Variants in ABCB4 observed in about 807,000 individuals in gnomAD.
ABCB4 encodes the protein ATP binding cassette subfamily B member 4.
Under a neutral mutation model 145.7 loss-of-function variants are expected in ABCB4, and 76 were observed. That is an observed-to-expected ratio of 0.52 (90% confidence interval 0.43 to 0.63). The LOEUF (loss-of-function observed/expected upper bound fraction) is 0.63, where lower values mean the gene tolerates loss of function less well. Among genes scored for constraint, ABCB4 ranks in the 30% least tolerant of loss-of-function variants. The pLI is 0.00. For missense variants in ABCB4, 1,234 were observed against 1,553.1 expected, an observed-to-expected ratio of 0.79 and a Z score of 3.45; for synonymous variants, 517 against 566.8, an observed-to-expected ratio of 0.91 and a Z score of 1.25.
At chr7:87,445,865 T>G (rs1811311040) in intron 9 of ABCB4, among the ~76,000 whole-genome samples, 1 of 152,208 alleles carries the variant, frequency 6.6e-6, no homozygotes, top group Non-Finnish European at 1.5e-5. Context: ...AGGGCTTTGC[T>G]TGGGCTCCCT....
At chr7:87,472,848 C>T (rs1409966681) in intron 2 of ABCB4, among the ~76,000 whole-genome samples, 173 bp from the exon 3 acceptor site, 1 of 152,174 alleles carries the variant, frequency 6.6e-6, no homozygotes, top group Non-Finnish European at 1.5e-5. Context: ...ACAAAAGTAA[C>T]TGTCGAAGGT....
At chr7:87,403,084 C>T (rs746925163) in intron 27 of ABCB4, 51 bp downstream of exon 27, 3 of 1,597,638 alleles carry the variant, frequency 1.9e-6, no homozygotes, top group Non-Finnish European at 2.6e-6. Context: ...ACAGCAAAAT[C>T]CCTTCTATTT....
intron 15 of ABCB4, 72 bp downstream of exon 15, chr7:87,431,332 A>G: frequency 6.3e-7 from 1 of 1,590,492 alleles, no homozygotes; most frequent in Non-Finnish European, 8.6e-7. Flanking sequence ...CATTCACTGG[A>G]TCATATTTTA....
In ABCB4 at chr7:87,467,193, G is replaced by T. The variant is rs377570835; in HGVS notation, c.136-4285C>A. On this transcript the variant is annotated intron_variant, in intron 3 of 27. Transcript: ENST00000649586. Reference sequence around the variant, plus strand: ...AGACACACATAGGCTCAAAAGAAAGGGATGGAGGAAGATCTACCAAGCAAA... The same window carrying T: ...AGACACACATAGGCTCAAAAGAAAGTGATGGAGGAAGATCTACCAAGCAAA... 8.5e-5 allele frequency among the ~76,000 whole-genome samples: 13 copies of T among 152,246 alleles called. No individual in the cohort carries two copies. The East Asian group carries it at 2.5e-3, about 29-fold the overall frequency.
At chr7:87,379,417 T>C in the ABCB4 span, among the ~76,000 whole-genome samples, 2 of 152,234 alleles carry the variant, frequency 1.3e-5, no homozygotes, top group Non-Finnish European at 2.9e-5. Context: ...TGTTATATTG[T>C]TATATAAGAG....
intron 3 of ABCB4, among the ~76,000 whole-genome samples, chr7:87,468,513 A>C (rs1813094732): frequency 6.6e-6 from 1 of 152,210 alleles, no homozygotes; most frequent in Non-Finnish European, 1.5e-5. Context: ...AAAAAGAGGG[A>C]ATCCTCCCTA....
the ABCB4 span, among the ~76,000 whole-genome samples, chr7:87,376,195 C>A: frequency 6.6e-6 from 1 of 152,066 alleles, no homozygotes. Context: ...TATGACTTTG[C>A]ATATCACATA....
intron 15 of ABCB4, among the ~76,000 whole-genome samples, chr7:87,427,350 G>A (rs1032136941): frequency 6.6e-6 from 1 of 152,182 alleles, no homozygotes; most frequent in Non-Finnish European, 1.5e-5. Flanking sequence ...CCCACGGGAG[G>A]TAAAACTGTC....
chr7:87,421,130 A>C (rs1383400726), intron 18 of ABCB4, among the ~76,000 whole-genome samples: 1 of 152,174 alleles, frequency 6.6e-6, no homozygotes, highest in Non-Finnish European at 1.5e-5. Flanking sequence ...ACTGGAGAGG[A>C]GTCCAGATAT....
chr7:87,457,567 AAG>A (rs1812179291), intron 4 of ABCB4, among the ~76,000 whole-genome samples: 2 of 152,238 alleles, frequency 1.3e-5, no homozygotes, highest in Admixed American at 1.3e-4. Flanking sequence ...TTTACAGATG[AAG>A]AGACAGAGTG....
intron 17 of ABCB4, among the ~76,000 whole-genome samples, chr7:87,423,291 T>C (rs1444808872): frequency 6.6e-6 from 1 of 152,200 alleles, no homozygotes; most frequent in Non-Finnish European, 1.5e-5. Context: ...GATTGGCTAG[T>C]ATGTTTTCTT....
At chr7:87,449,604 A>C (rs924836154) in intron 8 of ABCB4, among the ~76,000 whole-genome samples, 2 of 80,700 alleles carry the variant, frequency 2.5e-5, no homozygotes, top group Non-Finnish European at 4.5e-5. Flanking sequence ...CAGCTTATTA[A>C]AAAAAAAAAA....
At chr7:87,456,301 G>T (rs901140850) in intron 4 of ABCB4, among the ~76,000 whole-genome samples, 3 of 152,098 alleles carry the variant, frequency 2.0e-5, no homozygotes, top group African/African-American at 4.8e-5. Flanking sequence ...TTGGATATTT[G>T]TTCCCTCCAA....
chr7:87,395,270 G>GT, the ABCB4 span, among the ~76,000 whole-genome samples: 104,913 of 151,896 alleles, frequency 0.69, 38,200 homozygotes, highest in Middle Eastern at 0.83. Flanking sequence ...GTCTTTTCAG[G>GT]TTTTTCTGCC....
In ABCB4 at chr7:87,437,273, A is replaced by G. The variant is rs45481793; in HGVS notation, c.1731+2394T>C. Reference sequence around the variant, plus strand: ...ACTGCCCTGAAACTTTCATATAAGGAAGCCAGGTTAGCCTATTGTATGAGT... The same window carrying G: ...ACTGCCCTGAAACTTTCATATAAGGGAGCCAGGTTAGCCTATTGTATGAGT... On this transcript the variant is annotated intron_variant, in intron 14 of 27. Transcript: ENST00000649586. Among the ~76,000 whole-genome samples the G allele has an allele frequency of 4.5e-3, 689 of 152,244 alleles. 8 individuals carry two copies. The highest frequency in any genetic ancestry group is 0.016 in the African/African-American group (658 of 41,548).
intron 26 of ABCB4, among the ~76,000 whole-genome samples, chr7:87,404,262 G>A (rs1307779496): frequency 6.6e-6 from 1 of 152,094 alleles, no homozygotes; most frequent in Non-Finnish European, 1.5e-5. Context: ...GTAACCCAGT[G>A]GAACCCCGAA....
At chr7:87,406,754 T>A (rs1054754802) in intron 25 of ABCB4, among the ~76,000 whole-genome samples, 1 of 152,204 alleles carries the variant, frequency 6.6e-6, no homozygotes, top group African/African-American at 2.4e-5. Flanking sequence ...TTTGTCCTTG[T>A]CTGCCCTCCT....
At chr7:87,432,199 G>T (rs898040086) in intron 14 of ABCB4, among the ~76,000 whole-genome samples, 5 of 152,142 alleles carry the variant, frequency 3.3e-5, no homozygotes, top group African/African-American at 9.7e-5. Context: ...AACTAGTTTA[G>T]TGGCCTCATA....
intron 21 of ABCB4, 136 bp downstream of exon 21, chr7:87,417,176 T>C (rs749075292): frequency 7.2e-5 from 59 of 823,618 alleles, no homozygotes; most frequent in Non-Finnish European, 1.0e-4. Context: ...AAATATTTCA[T>C]ACACAATTGA....
Sources: gnomAD v4.1 joint callset for allele counts (sites outside exome capture counted in the v4.1 genomes callset) on GRCh38, gnomAD v4.1.1 for gene constraint, MANE v1.5 for transcripts, NCBI Gene and HGNC (gene_info 2026-07-23, HGNC 2026-07-21) for gene names.